KIF13A: variants seen among roughly 807,000 people sequenced by gnomAD.
KIF13A encodes the protein kinesin-like protein KIF13A.
A neutral mutation model predicts 212.2 loss-of-function variants in KIF13A; 79 were observed. The ratio of observed to expected loss-of-function variants is 0.37; its 90% CI spans 0.31 to 0.45. The LOEUF (loss-of-function observed/expected upper bound fraction) is 0.45. Ranked by LOEUF, KIF13A falls within the 20% of genes least tolerant of loss-of-function variation. KIF13A has a pLI of 1.00. For synonymous variants in KIF13A, 789 were observed against 808.6 expected, an observed-to-expected ratio of 0.98 and a Z score of 0.41; for missense variants, 1,901 against 2,209.0, an observed-to-expected ratio of 0.86 and a Z score of 2.79.
intron 9 of KIF13A, among the ~76,000 whole-genome samples, chr6:17,846,648 A>T (rs1473171779): frequency 6.6e-6 from 1 of 151,432 alleles, no homozygotes; most frequent in Non-Finnish European, 1.5e-5. Context: ...AAGAGGTAAG[A>T]TGTTGAGAGA....
rs373262206 is a variant in KIF13A at position 17,794,370 on chromosome 6, G to A, written c.3101C>T (p.Thr1034Met). The A allele has an allele frequency of 1.9e-5, 31 of 1,613,474 alleles. No individual in the cohort carries two copies. Among genetic ancestry groups the A allele is most frequent in the Admixed American group, 1.7e-4 (10 of 59,984 alleles). Residue 1034 changes from threonine (T) to methionine (M), a missense_variant, in exon 25 of 39, where the codon ACG becomes ATG. Around this residue, in one of 5 missense-constraint regions of KIF13A, gnomAD observed 168 missense variants for 250.9 expected, o/e 0.67. Coordinates refer to ENST00000259711, the MANE Select transcript of KIF13A (RefSeq NM_022113.6). This position sits in a 1 kb window ranked among gnomAD's most constrained non-coding sequence, Gnocchi z 4.1. ...CCCTGAATGCTGCACAGGTTTCACC[G>A]TGACTTGTACTCTACGGGAATGACC... The part of the protein sequence containing the change: ...RQGHSRRVQV[T>M]VKPVQHSGTL...
At chr6:17,868,624 G>T (rs977149762) in intron 4 of KIF13A, among the ~76,000 whole-genome samples, 7 of 148,268 alleles carry the variant, frequency 4.7e-5, no homozygotes, top group Non-Finnish European at 1.0e-4. Context: ...AAAAATTTTT[G>T]CTTCAGAATT....
intron 2 of KIF13A, among the ~76,000 whole-genome samples, chr6:17,956,279 C>T (rs1396862659): frequency 6.6e-6 from 1 of 152,154 alleles, no homozygotes; most frequent in Non-Finnish European, 1.5e-5. Flanking sequence ...AGAGTCTGTG[C>T]CTTTAACTAC....
intron 17 of KIF13A, among the ~76,000 whole-genome samples, chr6:17,810,690 AGT>A (rs1763358848): frequency 6.6e-6 from 1 of 152,216 alleles, no homozygotes; most frequent in Non-Finnish European, 1.5e-5. Context: ...ACAATTAGAC[AGT>A]TCCATCTGGG....
chr6:17,764,009 C>T lies in KIF13A; in HGVS notation c.*101G>A. ...AGCTGTGCAGGAAGTGAGCCTGCTT[C>T]TCTGTGGGCTCATCTTTGCTGTCAC... is the stretch of plus-strand genomic sequence containing the variant. On this transcript the variant is annotated 3_prime_UTR_variant, in exon 39 of 39. Transcript: ENST00000259711. This position sits in a 1 kb window ranked among gnomAD's most constrained non-coding sequence, Gnocchi z 5.1. 8 of 1,475,072 alleles carry T rather than the reference C, an allele frequency of 5.4e-6. No homozygotes were observed. Among genetic ancestry groups the T allele is most frequent in the Non-Finnish European group, 7.2e-6 (8 of 1,112,278 alleles). The allele number at this position is 1,475,072 out of a possible 1,614,324, so 91.4% of individuals were successfully genotyped here.
rs1477884751 is a variant in KIF13A at position 17,871,265 on chromosome 6, A to T, written c.220+2112T>A. On this transcript the variant is annotated intron_variant, in intron 4 of 38. Coordinates refer to ENST00000259711, the MANE Select transcript of KIF13A (RefSeq NM_022113.6). The surrounding 1 kb of genome is among the most constrained non-coding windows in gnomAD (Gnocchi z 4.4). Reference sequence around the variant, plus strand: ...GTTGTCTCAAATACTTATCTCCTCTATGTTCCATCTGCTCTCTGGTGCCTT... The same window carrying T: ...GTTGTCTCAAATACTTATCTCCTCTTTGTTCCATCTGCTCTCTGGTGCCTT... 6.6e-6 allele frequency among the ~76,000 whole-genome samples: 1 copy of T among 152,074 alleles called. No homozygotes were observed. Among genetic ancestry groups the T allele is most frequent in the Non-Finnish European group, 1.5e-5 (1 of 68,024 alleles).
intron 2 of KIF13A, among the ~76,000 whole-genome samples, chr6:17,952,102 G>A (rs892417919): frequency 4.6e-5 from 7 of 151,982 alleles, no homozygotes; most frequent in African/African-American, 1.4e-4. Flanking sequence ...AGGAGATGGA[G>A]ACCATGCTGG....
chr6:17,987,181 C>T lies in KIF13A; in HGVS notation c.56-37G>A. ...GAGAAAGGGACGTTGCAAAGTCCAG[C>T]ATCCGCGCCTCCAGCCCGCCCGCCC... On this transcript the variant is annotated intron_variant, in intron 1 of 38. Coordinates refer to ENST00000259711, the MANE Select transcript of KIF13A (RefSeq NM_022113.6). This position sits in a 1 kb window ranked among gnomAD's most constrained non-coding sequence, Gnocchi z 7.7. The T allele has an allele frequency of 6.6e-7, 1 of 1,510,666 alleles. No individual in the cohort carries two copies. The highest frequency in any genetic ancestry group is 9.1e-7 in the Non-Finnish European group (1 of 1,100,268). The allele number at this position is 1,510,666 out of a possible 1,614,324, so 93.6% of individuals were successfully genotyped here.
intron 3 of KIF13A, among the ~76,000 whole-genome samples, chr6:17,880,658 C>T (rs57319448): frequency 0.033 from 4,799 of 146,872 alleles, 186 homozygotes; most frequent in African/African-American, 0.086. Flanking sequence ...AAAGGTCTTG[C>T]TCTGTTGTCC....
Position 17,765,040 on chromosome 6 carries a change from A to G in KIF13A, c.4582-94T>C, listed in dbSNP as rs180829644. 38 of 913,976 alleles carry G rather than the reference A, an allele frequency of 4.2e-5. No individual in the cohort carries two copies. The African/African-American group carries it at 5.9e-4, about 14-fold the overall frequency. The allele number at this position is 913,976 out of a possible 1,614,324, so 56.6% of individuals were successfully genotyped here. A position where few individuals can be genotyped will look rare whatever the true frequency, so the allele number is the denominator to read the frequency against. ...ATACTTGGCTGTTAAAGGCATTCAC[A>G]TTCACATGGTGTTCAGTGTTTTCTT... On this transcript the variant is annotated intron_variant, in intron 38 of 38. Transcript: ENST00000259711.
intron 2 of KIF13A, among the ~76,000 whole-genome samples, chr6:17,986,249 G>A (rs1265531727): frequency 6.6e-6 from 1 of 152,178 alleles, no homozygotes; most frequent in African/African-American, 2.4e-5. Context: ...TATATTGAAT[G>A]AATTCCAACC....
At chr6:17,857,563 A>AGCCTG (rs1291688107) in intron 4 of KIF13A, among the ~76,000 whole-genome samples, 1 of 152,206 alleles carries the variant, frequency 6.6e-6, no homozygotes, top group African/African-American at 2.4e-5. Context: ...TTTACAAATT[A>AGCCTG]GCCTGCCTCA....
chr6:17,934,490 T>C lies in KIF13A; in HGVS notation c.147-36310A>G, dbSNP rs73724071. ...TACAGAATCCCCAATAATATCATAA[T>C]AAAAAGACGCCGAAGGCCAGGCACC... On this transcript the variant is annotated intron_variant, in intron 2 of 38. Transcript: ENST00000259711. This position sits in a 1 kb window ranked among gnomAD's most constrained non-coding sequence, Gnocchi z 5.4. Among the ~76,000 whole-genome samples, 179 of 152,078 alleles carry C rather than the reference T, an allele frequency of 1.2e-3. 2 individuals carry two copies. Among genetic ancestry groups the C allele is most frequent in the African/African-American group, 3.9e-3 (161 of 41,450 alleles).
rs1766272636 is a variant in KIF13A, at chr6:17,839,207, CTG to C, written c.831-1626_831-1625del. On this transcript the variant is annotated intron_variant, in intron 9 of 38. Transcript: ENST00000259711. The surrounding 1 kb of genome is among the most constrained non-coding windows in gnomAD (Gnocchi z 4.3). ...AGCCCCGACTTGACCACTGCACAAT[CTG>C]TGCCTGTAACAAAATTGCACTTGTA... is the stretch of plus-strand genomic sequence containing the variant. Among the ~76,000 whole-genome samples the C allele has an allele frequency of 6.6e-6, 1 of 152,224 alleles. No individual in the cohort carries two copies. The highest frequency in any genetic ancestry group is 1.5e-5 in the Non-Finnish European group (1 of 68,036).
intron 19 of KIF13A, among the ~76,000 whole-genome samples, chr6:17,804,811 TAAAA>T (rs56785510): frequency 3.7e-3 from 87 of 23,282 alleles, no homozygotes; most frequent in Admixed American, 8.6e-3. Context: ...CTGTCTCCAT[TAAAA>T]AAAAAAAAAA....
rs1238199939 is a variant in KIF13A at position 17,768,003 on chromosome 6, TA to T, written c.4582-3058del. 7.2e-5 allele frequency among the ~76,000 whole-genome samples: 11 copies of T among 152,240 alleles called. No individual in the cohort carries two copies. The South Asian group carries it at 2.3e-3, about 32-fold the overall frequency. On this transcript the variant is annotated intron_variant, in intron 38 of 38. Coordinates refer to ENST00000259711, the MANE Select transcript of KIF13A (RefSeq NM_022113.6). The surrounding 1 kb of genome is among the most constrained non-coding windows in gnomAD (Gnocchi z 5.4). ...AACCCAAAAGCCCAGAGGGAAAGAC[TA>T]AAACAGTAGGGACAGCTTATTCCAG... is the stretch of plus-strand genomic sequence containing the variant.
At chr6:17,893,161 C>T (rs1772224055) in intron 3 of KIF13A, among the ~76,000 whole-genome samples, 1 of 152,190 alleles carries the variant, frequency 6.6e-6, no homozygotes, top group Non-Finnish European at 1.5e-5. Context: ...AAACACCATA[C>T]ATTTGGTGTC....
chr6:17,805,370 CGTGTGTGTGT>C (rs59526903), intron 19 of KIF13A, 95 bp downstream of exon 19: 855 of 737,654 alleles, frequency 1.2e-3, no homozygotes, highest in South Asian at 2.0e-3. Context: ...AGCACATCTC[CGTGTGTGTGT>C]GTGTGTGTGT....
At position 17,799,507 on chromosome 6, in the gene KIF13A, A is replaced by C; in HGVS notation, c.2617-68T>G. On this transcript the variant is annotated intron_variant, in intron 21 of 38. Coordinates refer to ENST00000259711, the MANE Select transcript of KIF13A (RefSeq NM_022113.6). The surrounding 1 kb of genome is among the most constrained non-coding windows in gnomAD (Gnocchi z 4.4). Reference sequence around the variant, plus strand: ...AACATTCTTTCATTTCAGCTACCTCAAATTTAAGAGTAAGCGATGAAACAA... The same window carrying C: ...AACATTCTTTCATTTCAGCTACCTCCAATTTAAGAGTAAGCGATGAAACAA... 121 of 1,293,896 alleles carry C rather than the reference A, an allele frequency of 9.4e-5. No individual in the cohort carries two copies. Among genetic ancestry groups the C allele is most frequent in the Non-Finnish European group, 1.1e-4 (109 of 957,832 alleles). The allele number at this position is 1,293,896 out of a possible 1,614,324, so 80.2% of individuals were successfully genotyped here.
Sources: gnomAD v4.1 joint callset for allele counts (sites outside exome capture counted in the v4.1 genomes callset) on GRCh38, gnomAD v4.1.1 for gene constraint, gnomAD v4.1.1 regional missense constraint, Gnocchi (gnomAD v3.1) non-coding constraint, MANE v1.5 for transcripts, NCBI Gene and HGNC (gene_info 2026-07-23, HGNC 2026-07-21) for gene names.